The following GPHN variants were observed in gnomAD, a reference collection of about 807,000 sequenced individuals.
GPHN encodes the protein gephyrin.
Under a neutral mutation model 95.5 loss-of-function variants are expected in GPHN, and 17 were observed. The ratio of observed to expected loss-of-function variants is 0.18; its 90% CI spans 0.12 to 0.27. The LOEUF is 0.27. Ranked by LOEUF, GPHN falls within the 10% of genes least tolerant of loss-of-function variation. The probability of loss-of-function intolerance (pLI) is 1.00; values close to 1 mark genes in which losing one functional copy is unlikely to be tolerated. For missense variants in GPHN, 660 were observed against 978.1 expected, an observed-to-expected ratio of 0.67 and a Z score of 4.34; for synonymous variants, 320 against 322.5, an observed-to-expected ratio of 0.99 and a Z score of 0.08.
intron 18 of GPHN, among the ~76,000 whole-genome samples, chr14:67,153,578 G>A (rs2081407981): frequency 6.6e-6 from 1 of 152,264 alleles, no homozygotes; most frequent in Non-Finnish European, 1.5e-5. Context: ...ATGAATTTGG[G>A]GGTGGGGAGG....
intron 1 of GPHN, among the ~76,000 whole-genome samples, chr14:66,594,179 G>C (rs1207616051): frequency 2.0e-5 from 3 of 151,984 alleles, no homozygotes; most frequent in African/African-American, 7.2e-5. Context: ...TAAAATAAAA[G>C]GAAAGATATC....
chr14:66,534,561 T>G (rs1439238685), intron 1 of GPHN, among the ~76,000 whole-genome samples: 2 of 152,174 alleles, frequency 1.3e-5, no homozygotes, highest in African/African-American at 2.4e-5. Flanking sequence ...GCTATGAATA[T>G]TCTCGTGTAT....
chr14:66,794,746 T>A (rs1416909265), intron 3 of GPHN, among the ~76,000 whole-genome samples: 1 of 152,178 alleles, frequency 6.6e-6, no homozygotes, highest in Non-Finnish European at 1.5e-5. Context: ...TAACATTTGA[T>A]CTTGAAGAGG....
At chr14:67,650,630 C>G in the GPHN span, 1 of 1,290,416 alleles carries the variant, frequency 7.7e-7, no homozygotes, top group Non-Finnish European at 1.1e-6. Context: ...TTTACTTTGG[C>G]TTGTTCTCCC....
At chr14:67,578,491 T>C in the GPHN span, 1 of 1,308,960 alleles carries the variant, frequency 7.6e-7, no homozygotes, top group Non-Finnish European at 1.1e-6. This position sits in a 1 kb window ranked among gnomAD's most constrained non-coding sequence, Gnocchi z 5.0. Flanking sequence ...CAGGTGGTGC[T>C]GTAGGCCCAG....
the GPHN span, chr14:67,726,055 A>G: frequency 6.2e-7 from 1 of 1,612,508 alleles, no homozygotes; most frequent in Non-Finnish European, 8.5e-7. Context: ...CTATAGAGGA[A>G]AAGCAGCTCC....
chr14:67,685,160 A>G, the GPHN span: 11 of 1,614,048 alleles, frequency 6.8e-6, no homozygotes, highest in African/African-American at 1.3e-5. Flanking sequence ...ACCAGTTCAG[A>G]TTGGACTGTG....
At chr14:67,393,185 A>C in the GPHN span, 1 of 1,613,994 alleles carries the variant, frequency 6.2e-7, no homozygotes, top group Admixed American at 1.7e-5. Flanking sequence ...TCCCTGCTCC[A>C]TGTTGGGGCT....
intron 2 of GPHN, among the ~76,000 whole-genome samples, chr14:66,742,592 G>T (rs2072885274): frequency 6.6e-6 from 1 of 152,202 alleles, no homozygotes; most frequent in African/African-American, 2.4e-5. Context: ...CAGCCATGAT[G>T]GTGGCCTAGG....
intron 2 of GPHN, among the ~76,000 whole-genome samples, chr14:66,731,900 CATGGCTAA>C (rs1468656923): frequency 1.3e-5 from 2 of 152,248 alleles, no homozygotes; most frequent in East Asian, 3.9e-4. Flanking sequence ...CAGCTCCAGC[CATGGCTAA>C]AAGGGGCCAA....
At chr14:66,822,242 G>A (rs556161545) in intron 3 of GPHN, among the ~76,000 whole-genome samples, 12 of 152,284 alleles carry the variant, frequency 7.9e-5, no homozygotes, top group Admixed American at 1.3e-4. Context: ...GAGCCACTGC[G>A]TCCAGCCAAC....
At position 67,179,709 on chromosome 14, in the gene GPHN, C is replaced by T. The variant is rs376117466; in HGVS notation, c.2176+35C>T. 6.8e-6 allele frequency: 7 copies of T among 1,033,744 alleles called. No homozygotes were observed. In the African/African-American group the frequency reaches 1.1e-4, roughly 16 times the overall value. 64.0% of individuals were successfully genotyped at this position (1,033,744 alleles called of 1,614,324 possible). A position where few individuals can be genotyped will look rare whatever the true frequency, so the allele number is the denominator to read the frequency against. On this transcript the variant is annotated intron_variant, in intron 22 of 22. Coordinates refer to ENST00000478722, the MANE Select transcript of GPHN (RefSeq NM_020806.5). ...TCACATCTACAGATATTCCTAGACA[C>T]CTATCCTGTTAAAACACAAACTTAT...
At chr14:67,200,171 A>G in the GPHN span, 1 of 1,156,142 alleles carries the variant, frequency 8.6e-7, no homozygotes, top group Non-Finnish European at 1.2e-6. Flanking sequence ...ATGCCTCCAC[A>G]TGGTATGCGT....
chr14:67,733,486 G>A, the GPHN span, among the ~76,000 whole-genome samples: 76 of 151,930 alleles, frequency 5.0e-4, no homozygotes, highest in African/African-American at 1.7e-3. Flanking sequence ...ACTTCTGCTC[G>A]CCACTACTTT....
At chr14:67,343,072 G>A in the GPHN span, among the ~76,000 whole-genome samples, 1 of 152,258 alleles carries the variant, frequency 6.6e-6, no homozygotes, top group African/African-American at 2.4e-5. Context: ...AGGATCTTGA[G>A]AAATATTCCT....
chr14:67,690,445 T>C, the GPHN span: 9 of 1,604,020 alleles, frequency 5.6e-6, no homozygotes, highest in Non-Finnish European at 7.7e-6. Context: ...CTAGAATTAA[T>C]GAAGTTCAGG....
intron 6 of GPHN, among the ~76,000 whole-genome samples, chr14:66,919,212 A>G (rs2066074626): frequency 6.6e-6 from 1 of 152,126 alleles, no homozygotes; most frequent in Non-Finnish European, 1.5e-5. Flanking sequence ...TCTGGTTCTC[A>G]CCTCGGTTGT....
chr14:66,721,598 T>C (rs1007692899), intron 2 of GPHN, among the ~76,000 whole-genome samples: 2 of 152,160 alleles, frequency 1.3e-5, no homozygotes, highest in African/African-American at 4.8e-5. Flanking sequence ...CCTTTGATAT[T>C]TTCCAGGAAC....
chr14:66,871,277 GCTAT>G (rs1181995278), intron 4 of GPHN, among the ~76,000 whole-genome samples: 1 of 152,138 alleles, frequency 6.6e-6, no homozygotes, highest in Non-Finnish European at 1.5e-5. Flanking sequence ...CTCCCTTTCA[GCTAT>G]CTGTTGATAT....
Sources: allele counts gnomAD v4.1 joint callset (sites outside exome capture counted in the v4.1 genomes callset), GRCh38; gene constraint gnomAD v4.1.1; non-coding constraint Gnocchi (gnomAD v3.1); transcripts MANE v1.5; gene names NCBI Gene and HGNC (gene_info 2026-07-23, HGNC 2026-07-21).